GSG1L: variants seen among roughly 807,000 people sequenced by gnomAD.
GSG1L encodes the protein germ cell-specific gene 1-like protein.
A neutral mutation model predicts 42.1 loss-of-function variants in GSG1L; 24 were observed. The observed-to-expected ratio is 0.57, with a 90% confidence interval of 0.41 to 0.80. GSG1L has a LOEUF of 0.80. GSG1L is among the 30% of genes least tolerant of loss of function. The pLI is 0.00. For synonymous variants in GSG1L, 215 were observed against 203.5 expected (o/e 1.06, Z -0.48); for missense variants, 445 against 472.2 (o/e 0.94, Z 0.53).
At chr16:27,903,833 C>A (rs1487320953) in intron 2 of GSG1L, among the ~76,000 whole-genome samples, 1 of 152,088 alleles carries the variant, frequency 6.6e-6, no homozygotes, top group Non-Finnish European at 1.5e-5. Context: ...TATGAAGACA[C>A]TGAGTGTGAG....
At chr16:27,966,474 G>C (rs769534399) in intron 1 of GSG1L, among the ~76,000 whole-genome samples, 5 of 151,924 alleles carry the variant, frequency 3.3e-5, no homozygotes, top group Non-Finnish European at 7.4e-5. Context: ...CTGGGCAACA[G>C]AGCAAGACCC....
At chr16:27,796,937 G>C (rs922645861) in intron 6 of GSG1L, among the ~76,000 whole-genome samples, 2 of 152,058 alleles carry the variant, frequency 1.3e-5, no homozygotes, top group Non-Finnish European at 2.9e-5. Context: ...CCCTCCCCCC[G>C]GGTGCTCACA....
At chr16:27,872,590 G>A (rs2083835720) in intron 3 of GSG1L, among the ~76,000 whole-genome samples, 1 of 152,172 alleles carries the variant, frequency 6.6e-6, no homozygotes, top group Non-Finnish European at 1.5e-5. Flanking sequence ...TGAGTTAGGA[G>A]GTCGGCAGAA....
rs570272792 is a variant in GSG1L at position 27,931,155 on chromosome 16, GCTT to G, written c.397+31998_397+32000del. Among the ~76,000 whole-genome samples, 152 of 152,304 alleles carry G rather than the reference GCTT, an allele frequency of 1.0e-3. 1 individual carries two copies. The highest frequency in any genetic ancestry group is 7.9e-3 in the South Asian group (38 of 4,824). On this transcript the variant is annotated intron_variant, in intron 2 of 6. Transcript: ENST00000447459. ...TAATAAAGCAAATCATTTGACATCT[GCTT>G]CTTCACTCGGGCTCTTCGTGGGGCC... is the stretch of plus-strand genomic sequence containing the variant.
intron 2 of GSG1L, among the ~76,000 whole-genome samples, chr16:27,887,895 G>A (rs979446696): frequency 5.3e-5 from 8 of 151,964 alleles, no homozygotes; most frequent in African/African-American, 1.9e-4. Flanking sequence ...CAGCCTGGAT[G>A]TTGTTAAAAC....
intron 6 of GSG1L, among the ~76,000 whole-genome samples, chr16:27,803,766 C>CATATATATATATATATAT (rs3047681): frequency 2.0e-4 from 23 of 117,882 alleles, no homozygotes; most frequent in South Asian, 5.2e-4. Context: ...ACAGTGCAGA[C>CATATATATATATATATAT]ATATATATAT....
At chr16:27,980,515 T>C (rs1370886266) in intron 1 of GSG1L, among the ~76,000 whole-genome samples, 3 of 152,204 alleles carry the variant, frequency 2.0e-5, no homozygotes, top group Admixed American at 2.0e-4. Flanking sequence ...CTAAGTGCTT[T>C]ACATGCATCA....
chr16:28,026,509 A>T (rs2085902963), intron 1 of GSG1L, among the ~76,000 whole-genome samples: 1 of 152,086 alleles, frequency 6.6e-6, no homozygotes, highest in Admixed American at 6.6e-5. Flanking sequence ...ACAGAGTCCT[A>T]ACCTCTCAGT....
chr16:27,931,496 G>A (rs1014963432), intron 2 of GSG1L, among the ~76,000 whole-genome samples: 2 of 152,222 alleles, frequency 1.3e-5, no homozygotes, highest in African/African-American at 2.4e-5. Flanking sequence ...TCCTCATCAG[G>A]GAAATGCATG....
Position 27,964,346 on chromosome 16 carries a change from T to C in GSG1L, c.350-1143A>G, listed in dbSNP as rs566432463. Among the ~76,000 whole-genome samples the C allele has an allele frequency of 2.3e-4, 35 of 151,810 alleles. No homozygotes were observed. The South Asian group carries it at 3.1e-3, about 14-fold the overall frequency. On this transcript the variant is annotated intron_variant, in intron 1 of 6. Transcript: ENST00000447459. ...CTCAAAAAAAAAAAAAAAATGTGCA[T>C]ATCAGCATCCACAGCCACATTGAGG...
At chr16:27,959,773 C>T (rs371136542) in intron 2 of GSG1L, among the ~76,000 whole-genome samples, 2 of 151,990 alleles carry the variant, frequency 1.3e-5, no homozygotes, top group African/African-American at 2.4e-5. Flanking sequence ...CAGAGCAAGA[C>T]CCCATCTCAA....
At chr16:27,967,986 T>G (rs1044731549) in intron 1 of GSG1L, among the ~76,000 whole-genome samples, 8 of 152,268 alleles carry the variant, frequency 5.3e-5, no homozygotes, top group African/African-American at 1.4e-4. Context: ...GTTTTAAACT[T>G]TCTGTACTGT....
intron 2 of GSG1L, among the ~76,000 whole-genome samples, chr16:27,886,486 G>A (rs1170755603): frequency 6.6e-6 from 1 of 152,178 alleles, no homozygotes. Flanking sequence ...GTCTTGCAGT[G>A]TTGTGGTGAT....
intron 2 of GSG1L, among the ~76,000 whole-genome samples, chr16:27,946,660 G>GA (rs2084874845): frequency 8.3e-6 from 1 of 120,664 alleles, no homozygotes; most frequent in South Asian, 3.0e-4. Context: ...AGAAAGAAAA[G>GA]AAAGAAAGAA....
chr16:27,917,130 G>A (rs1474732827), intron 2 of GSG1L, among the ~76,000 whole-genome samples: 1 of 152,214 alleles, frequency 6.6e-6, no homozygotes, highest in Non-Finnish European at 1.5e-5. Flanking sequence ...AAAGAAGCCG[G>A]TGGCCCAATA....
chr16:27,965,247 G>A (rs2141110307), intron 1 of GSG1L, among the ~76,000 whole-genome samples: 1 of 152,082 alleles, frequency 6.6e-6, no homozygotes, highest in South Asian at 2.1e-4. Context: ...TCGAACTCCT[G>A]ACCTCAAGTG....
At chr16:27,813,865 C>T (rs542783396) in intron 5 of GSG1L, among the ~76,000 whole-genome samples, 4 of 152,300 alleles carry the variant, frequency 2.6e-5, no homozygotes, top group East Asian at 3.9e-4. Context: ...CTCAGCTCTG[C>T]GATTAACAGG....
intron 3 of GSG1L, among the ~76,000 whole-genome samples, chr16:27,876,268 G>T (rs1038642432): frequency 6.6e-6 from 1 of 152,120 alleles, no homozygotes; most frequent in Non-Finnish European, 1.5e-5. Context: ...GGTGGAATTA[G>T]GGTCCCAGCA....
In GSG1L at chr16:27,819,248, T is replaced by TA. The variant is rs57616813; in HGVS notation, c.830+9540dup. ...CTGGCGACAGAACAAGACTCTGTCT[T>TA]AAAAAAAAAAAAAACAGACCTCTAG... is the stretch of plus-strand genomic sequence containing the variant. On this transcript the variant is annotated intron_variant, in intron 5 of 6. Coordinates refer to ENST00000447459, the MANE Select transcript of GSG1L (RefSeq NM_001109763.2). 3.6e-3 allele frequency among the ~76,000 whole-genome samples: 521 copies of TA among 143,540 alleles called. 3 individuals carry two copies. The highest frequency in any genetic ancestry group is 0.012 in the South Asian group (52 of 4,490). The allele number at this position is 143,540 out of a possible 152,430, so 94.2% of individuals were successfully genotyped here.
Sources: gnomAD v4.1 joint callset for allele counts (sites outside exome capture counted in the v4.1 genomes callset) on GRCh38, gnomAD v4.1.1 for gene constraint, MANE v1.5 for transcripts, NCBI Gene and HGNC (gene_info 2026-07-23, HGNC 2026-07-21) for gene names.